Variants in RPS6KA3 observed in about 807,000 individuals in gnomAD.
RPS6KA3 encodes the protein ribosomal protein S6 kinase alpha-3.
Under a neutral mutation model 67.2 loss-of-function variants are expected in RPS6KA3, and 4 were observed. That is an observed-to-expected ratio of 0.06 (90% CI 0.03 to 0.14). The LOEUF is 0.14. RPS6KA3 is among the 10% of genes least tolerant of loss of function. The pLI, the probability that RPS6KA3 is intolerant of heterozygous loss-of-function variation, is 1.00. For missense variants in RPS6KA3, 204 were observed against 559.0 expected (o/e 0.36, Z 6.40); for synonymous variants, 182 against 183.7 (o/e 0.99, Z 0.07).
chrX:20,216,443 T>C (rs1238080530), intron 2 of RPS6KA3, among the ~76,000 whole-genome samples: 1 of 110,961 alleles, frequency 9.0e-6, no homozygotes, highest in Non-Finnish European at 1.9e-5. Flanking sequence ...GGATATACAA[T>C]AAGTCAAATG....
chrX:20,220,680 T>A (rs762400663), intron 2 of RPS6KA3, among the ~76,000 whole-genome samples: 2 of 112,166 alleles, frequency 1.8e-5, no homozygotes, highest in East Asian at 5.6e-4. Context: ...AGTGCTCAGG[T>A]TAATAATTCA....
intron 1 of RPS6KA3, among the ~76,000 whole-genome samples, chrX:20,264,224 T>G (rs972474474): frequency 8.9e-6 from 1 of 112,601 alleles, no homozygotes; most frequent in Non-Finnish European, 1.9e-5. Flanking sequence ...TTTGACATAC[T>G]TTATGCCAGG....
intron 1 of RPS6KA3, among the ~76,000 whole-genome samples, chrX:20,252,993 G>C (rs1444920885): frequency 9.0e-6 from 1 of 110,901 alleles, no homozygotes; most frequent in Non-Finnish European, 1.9e-5. Context: ...GGTTGGGGTG[G>C]AGGCTCAATC....
In RPS6KA3 at chrX:20,266,883, G is replaced by T; in HGVS notation, c.-251C>A. The T allele has an allele frequency of 1.9e-6, 1 of 520,779 alleles. No individual in the cohort carries two copies. The highest frequency in any genetic ancestry group is 2.5e-5 in the African/African-American group (1 of 39,293). 42.9% of individuals were successfully genotyped at this position (520,779 alleles called of 1,213,427 possible). ...CGCTGAGCGAGAGCCTCGCGCCTCCGCTGGGCACCGGGTCTCGCCCCTTTC... is the reference window on the plus strand; with the variant it reads ...CGCTGAGCGAGAGCCTCGCGCCTCCTCTGGGCACCGGGTCTCGCCCCTTTC... On this transcript the variant is annotated 5_prime_UTR_variant, in exon 1 of 22. Coordinates refer to ENST00000379565, the MANE Select transcript of RPS6KA3 (RefSeq NM_004586.3).
At chrX:20,185,537 C>T (rs2067960455) in intron 10 of RPS6KA3, among the ~76,000 whole-genome samples, 1 of 111,142 alleles carries the variant, frequency 9.0e-6, no homozygotes, top group East Asian at 2.8e-4. Flanking sequence ...CAGGTGCTTA[C>T]CAACATGCCT....
chrX:20,188,230 T>C (rs773772732), intron 8 of RPS6KA3, among the ~76,000 whole-genome samples: 1 of 110,475 alleles, frequency 9.1e-6, no homozygotes, highest in African/African-American at 3.3e-5. Flanking sequence ...TGCACCACCA[T>C]GCCCAGCTCA....
Position 20,223,981 on chromosome X carries a change from CTTAT to C in RPS6KA3, c.126+10773_126+10776del, listed in dbSNP as rs1166897309. ...TGAGTCCTTAGTTGCTTTGAGTTCT[CTTAT>C]TTATTAATAAAGTTTTCTTTCAAGT... On this transcript the variant is annotated intron_variant, in intron 2 of 21. Coordinates refer to ENST00000379565, the MANE Select transcript of RPS6KA3 (RefSeq NM_004586.3). 2.7e-5 allele frequency among the ~76,000 whole-genome samples: 3 copies of C among 111,262 alleles called. No individual in the cohort carries two copies. The East Asian group carries it at 8.4e-4, about 31-fold the overall frequency.
intron 7 of RPS6KA3, among the ~76,000 whole-genome samples, chrX:20,192,950 T>C (rs2068177711): frequency 9.0e-6 from 1 of 111,432 alleles, no homozygotes; most frequent in Non-Finnish European, 1.9e-5. Context: ...AAAATACAAA[T>C]TGCCAATGAA....
intron 2 of RPS6KA3, among the ~76,000 whole-genome samples, chrX:20,225,255 G>GA (rs2069088848): frequency 1.4e-5 from 1 of 69,692 alleles, no homozygotes; most frequent in Non-Finnish European, 2.9e-5. Flanking sequence ...TTTTTTTTTT[G>GA]TTTTTTTTTT....
chrX:20,202,387 G>GAT (rs2068464239), intron 4 of RPS6KA3, among the ~76,000 whole-genome samples: 1 of 110,773 alleles, frequency 9.0e-6, no homozygotes, highest in African/African-American at 3.3e-5. Flanking sequence ...ACTAAAATTT[G>GAT]ATATATATAT....
chrX:20,185,198 C>T (rs12013398), intron 10 of RPS6KA3, among the ~76,000 whole-genome samples: 15,708 of 111,183 alleles, frequency 0.14, 877 homozygotes, highest in Non-Finnish European at 0.15. Context: ...CTGCCTGCCT[C>T]GGCCTGCCAA....
intron 2 of RPS6KA3, among the ~76,000 whole-genome samples, chrX:20,219,405 A>G (rs1265901691): frequency 1.8e-5 from 2 of 111,905 alleles, no homozygotes; most frequent in Non-Finnish European, 3.8e-5. Context: ...AGAGTTTCAT[A>G]ACTATAGGTA....
At chrX:20,194,932 T>C (rs2068233422) in intron 5 of RPS6KA3, 133 bp downstream of exon 5, 1 of 367,206 alleles carries the variant, frequency 2.7e-6, no homozygotes, top group Non-Finnish European at 4.8e-6. Flanking sequence ...TGGCTTAATT[T>C]TCATGACTTA....
intron 14 of RPS6KA3, among the ~76,000 whole-genome samples, chrX:20,173,150 A>G (rs1334567516): frequency 8.9e-6 from 1 of 111,909 alleles, no homozygotes; most frequent in Non-Finnish European, 1.9e-5. Context: ...TGGGGCCTAC[A>G]TCTTTGTCTG....
intron 13 of RPS6KA3, 73 bp downstream of exon 13, chrX:20,176,177 A>G (rs898895411): frequency 5.3e-6 from 4 of 751,119 alleles, no homozygotes; most frequent in Non-Finnish European, 8.3e-6. Context: ...AGAGTCTGGA[A>G]AAGATTTTCT....
At chrX:20,200,141 G>T (rs1307487330) in intron 4 of RPS6KA3, among the ~76,000 whole-genome samples, 2 of 112,263 alleles carry the variant, frequency 1.8e-5, no homozygotes, top group Non-Finnish European at 3.8e-5. Flanking sequence ...ATTTCGTTCA[G>T]CTAGGAACAA....
At position 20,169,468 on chromosome X, in the gene RPS6KA3, G is replaced by A; in HGVS notation, c.1377C>T (p.Asp459=). 1 of 1,181,433 alleles carries A rather than the reference G, an allele frequency of 8.5e-7. No homozygotes were observed. Among genetic ancestry groups the A allele is most frequent in the Non-Finnish European group, 1.2e-6 (1 of 867,800 alleles). The change falls in exon 16 of 22, where the codon GAC becomes GAT. Residue 459 remains aspartate (D), a synonymous_variant. Coordinates refer to ENST00000379565, the MANE Select transcript of RPS6KA3 (RefSeq NM_004586.3). ...GAAGAATTTCAATTTCTTCTGTTGG[G>A]TCTCTCTTGCTTTTATCAATAATCT... ...AVKIIDKSKR[D]PTEEIEILLR...
chrX:20,157,922 C>T (rs913991227), intron 20 of RPS6KA3, among the ~76,000 whole-genome samples: 9 of 111,136 alleles, frequency 8.1e-5, no homozygotes, highest in African/African-American at 3.0e-4. Flanking sequence ...TGAGAAGGGA[C>T]CAGATCAGGA....
chrX:20,164,638 G>T (rs2067392139), intron 18 of RPS6KA3, among the ~76,000 whole-genome samples: 1 of 110,501 alleles, frequency 9.0e-6, no homozygotes, highest in African/African-American at 3.3e-5. Flanking sequence ...TCCTGCCTTG[G>T]CCTCCCAAAG....
Sources: gnomAD v4.1 joint callset for allele counts (sites outside exome capture counted in the v4.1 genomes callset) on GRCh38, gnomAD v4.1.1 for gene constraint, MANE v1.5 for transcripts, NCBI Gene and HGNC (gene_info 2026-07-23, HGNC 2026-07-21) for gene names.